SOBP: variants seen among roughly 807,000 people sequenced by gnomAD.
SOBP encodes sine oculis-binding protein homolog.
Under a neutral mutation model 53.6 loss-of-function variants are expected in SOBP, and 4 were observed. The ratio of observed to expected loss-of-function variants is 0.07; its 90% CI spans 0.04 to 0.17. The LOEUF (loss-of-function observed/expected upper bound fraction) is 0.17. SOBP is among the 10% of genes least tolerant of loss of function. The probability of loss-of-function intolerance (pLI) is 1.00; values close to 1 mark genes in which losing one functional copy is unlikely to be tolerated. For synonymous variants in SOBP, 584 were observed against 522.6 expected, an observed-to-expected ratio of 1.12 and a Z score of -1.60; for missense variants, 1,088 against 1,204.7, an observed-to-expected ratio of 0.90 and a Z score of 1.43.
chr6:107,590,922 G>A (rs557842475), intron 5 of SOBP, among the ~76,000 whole-genome samples: 1 of 152,232 alleles, frequency 6.6e-6, no homozygotes, highest in African/African-American at 2.4e-5. Flanking sequence ...CTATGTACAA[G>A]GCATTGTACT....
chr6:107,600,877 A>G (rs890354943), intron 5 of SOBP, among the ~76,000 whole-genome samples: 1 of 152,224 alleles, frequency 6.6e-6, no homozygotes, highest in African/African-American at 2.4e-5. Context: ...TGGGCATGAA[A>G]TGAACTCGAT....
intron 4 of SOBP, among the ~76,000 whole-genome samples, chr6:107,547,429 C>T (rs549239010): frequency 3.3e-5 from 5 of 152,336 alleles, no homozygotes; most frequent in African/African-American, 1.2e-4. Context: ...AGCTATGTCC[C>T]TTCTCACAGG....
intron 3 of SOBP, among the ~76,000 whole-genome samples, chr6:107,532,239 T>TCACACA (rs1048410823): frequency 4.5e-5 from 3 of 66,870 alleles, no homozygotes; most frequent in African/African-American, 1.5e-4. Flanking sequence ...TCTCTCTCTC[T>TCACACA]CTCACACACA....
chr6:107,578,238 C>T (rs1307995492), intron 4 of SOBP, among the ~76,000 whole-genome samples: 1 of 151,834 alleles, frequency 6.6e-6, no homozygotes, highest in African/African-American at 2.4e-5. Flanking sequence ...ACCCCGCACC[C>T]TCCCTCCCTT....
intron 6 of SOBP, among the ~76,000 whole-genome samples, chr6:107,638,952 G>C (rs1771188254): frequency 6.6e-6 from 1 of 151,816 alleles, no homozygotes; most frequent in Non-Finnish European, 1.5e-5. Context: ...GCCCAGGCTG[G>C]AGTGCAGTGG....
chr6:107,498,511 A>G (rs1583141313), intron 1 of SOBP, among the ~76,000 whole-genome samples: 1 of 152,178 alleles, frequency 6.6e-6, no homozygotes, highest in South Asian at 2.1e-4. Flanking sequence ...CAGTGTTATG[A>G]AGTCAACTCT....
chr6:107,591,455 T>A (rs4946841), intron 5 of SOBP, among the ~76,000 whole-genome samples: 1 of 152,018 alleles, frequency 6.6e-6, no homozygotes, highest in South Asian at 2.1e-4. Context: ...AAAAACTTAA[T>A]AAGGGAAGAT....
At chr6:107,500,667 G>A (rs1456571938) in intron 1 of SOBP, among the ~76,000 whole-genome samples, 12 of 151,374 alleles carry the variant, frequency 7.9e-5, no homozygotes, top group Admixed American at 2.0e-4. Context: ...GACTACAGGC[G>A]CCCGCCACTA....
At chr6:107,527,098 T>C (rs1235036126) in intron 3 of SOBP, among the ~76,000 whole-genome samples, 1 of 152,220 alleles carries the variant, frequency 6.6e-6, no homozygotes, top group African/African-American at 2.4e-5. Flanking sequence ...GAATTCTTGA[T>C]AGTTCAGTTA....
chr6:107,640,521 T>C (rs1054390107), intron 6 of SOBP, among the ~76,000 whole-genome samples: 2 of 152,156 alleles, frequency 1.3e-5, no homozygotes, highest in African/African-American at 2.4e-5. Flanking sequence ...CATGGACACA[T>C]GTGAGTGGGA....
At chr6:107,580,183 A>G (rs954544228) in intron 4 of SOBP, among the ~76,000 whole-genome samples, 2 of 152,342 alleles carry the variant, frequency 1.3e-5, no homozygotes, top group South Asian at 4.1e-4. Context: ...GGTTACTGGC[A>G]TATCTCCAGA....
chr6:107,595,581 G>A (rs1337323688), intron 5 of SOBP, among the ~76,000 whole-genome samples: 2 of 151,958 alleles, frequency 1.3e-5, no homozygotes, highest in Admixed American at 1.3e-4. Flanking sequence ...TGGCTTCAAG[G>A]AAACTATACA....
chr6:107,613,241 C>CTA (rs1786663388), intron 5 of SOBP, among the ~76,000 whole-genome samples: 1 of 152,198 alleles, frequency 6.6e-6, no homozygotes, highest in East Asian at 1.9e-4. Context: ...AAGGCTGTAG[C>CTA]CACTTACATC....
intron 5 of SOBP, among the ~76,000 whole-genome samples, chr6:107,614,520 G>T (rs191566402): frequency 6.6e-6 from 1 of 152,326 alleles, no homozygotes; most frequent in African/African-American, 2.4e-5. Flanking sequence ...GAGAGAGGGG[G>T]CCAGGCCCAT....
chr6:107,626,096 A>G (rs563162317), intron 5 of SOBP, among the ~76,000 whole-genome samples: 16 of 152,354 alleles, frequency 1.1e-4, no homozygotes, highest in Admixed American at 3.9e-4. Flanking sequence ...AAAAAGTTAC[A>G]GTAAATAAGG....
intron 6 of SOBP, among the ~76,000 whole-genome samples, chr6:107,656,337 A>AAG (rs1772054902): frequency 2.4e-4 from 1 of 4,158 alleles, no homozygotes; most frequent in Non-Finnish European, 8.7e-4. Context: ...GAAAGAAAGA[A>AAG]AGAAAGAGAA....
chr6:107,631,955 A>C (rs846972), intron 5 of SOBP, among the ~76,000 whole-genome samples: 142,862 of 152,298 alleles, frequency 0.94, 67,187 homozygotes, highest in Non-Finnish European at 0.97. Flanking sequence ...ACATCTGCCA[A>C]GTGCGTGTTC....
chr6:107,584,213 G>A (rs1785495206), intron 4 of SOBP, among the ~76,000 whole-genome samples: 1 of 144,312 alleles, frequency 6.9e-6, no homozygotes, highest in Admixed American at 7.0e-5. Context: ...CCCAGTTAAA[G>A]CACAATCTTA....
chr6:107,550,271 G>A (rs1168516122), intron 4 of SOBP, among the ~76,000 whole-genome samples: 2 of 152,274 alleles, frequency 1.3e-5, no homozygotes, highest in African/African-American at 4.8e-5. Flanking sequence ...CTGCAACTCA[G>A]TGAGGTCCTC....
Sources: allele counts gnomAD v4.1 joint callset (sites outside exome capture counted in the v4.1 genomes callset), GRCh38; gene constraint gnomAD v4.1.1; transcripts MANE v1.5; gene names NCBI Gene and HGNC (gene_info 2026-07-23, HGNC 2026-07-21).